The following PCDHA2 variants were observed in gnomAD, a reference collection of about 807,000 sequenced individuals.
PCDHA2 encodes protocadherin alpha-2.
PCDHA2 carries 58 observed loss-of-function variants against 66.0 expected under a neutral mutation model. The ratio of observed to expected loss-of-function variants is 0.88; its 90% CI spans 0.71 to 1.09. The LOEUF is 1.09. Ranked by LOEUF, PCDHA2 falls within the 50% of genes least tolerant of loss-of-function variation. The pLI, the probability that PCDHA2 is intolerant of heterozygous loss-of-function variation, is 0.00. For missense variants in PCDHA2, 1,267 were observed against 1,242.3 expected, an observed-to-expected ratio of 1.02 and a Z score of -0.30; for synonymous variants, 634 against 554.0, an observed-to-expected ratio of 1.14 and a Z score of -2.03.
rs981486874 is a variant in PCDHA2 at position 140,797,285 on chromosome 5, C to G, written c.2321C>G (p.Pro774Arg). Residue 774 changes from proline to arginine, a missense_variant, in exon 1 of 4, where the codon CCT becomes CGT. Transcript: ENST00000526136. ...AAGACGGACCTCATGGCCTTCAGCC[C>G]TAGCTTATCTCAAGGTCCAGACTCC... ...PPKTDLMAFS[P>R]SLSQGPDSAE... The G allele has an allele frequency of 2.5e-6, 4 of 1,614,114 alleles. No homozygotes were observed. The highest frequency in any genetic ancestry group is 3.4e-6 in the Non-Finnish European group (4 of 1,180,056).
intron 1 of PCDHA2, chr5:140,830,314 C>T: frequency 6.2e-7 from 1 of 1,613,988 alleles, no homozygotes; most frequent in South Asian, 1.1e-5. Flanking sequence ...CGCTGGTGTG[C>T]TCCAGCGCAG....
chr5:141,002,173 C>T (rs1442739241), intron 3 of PCDHA2, among the ~76,000 whole-genome samples: 2 of 152,192 alleles, frequency 1.3e-5, no homozygotes, highest in Non-Finnish European at 2.9e-5. Flanking sequence ...TAGGCAGGCT[C>T]CAGAGTGCTG....
intron 1 of PCDHA2, among the ~76,000 whole-genome samples, chr5:140,833,764 A>ACACG (rs2150211178): frequency 1.9e-3 from 286 of 152,036 alleles, no homozygotes; most frequent in African/African-American, 6.7e-3. Flanking sequence ...ACACACACAC[A>ACACG]CACCGCTTTC....
rs550257645 is a variant in PCDHA2 at position 140,858,423 on chromosome 5, A to G, written c.2388+61071A>G. 7.3e-5 allele frequency: 113 copies of G among 1,554,520 alleles called. 7 individuals carry two copies. In the South Asian group the frequency reaches 1.0e-3, roughly 14 times the overall value. On this transcript the variant is annotated intron_variant, in intron 1 of 3. Coordinates refer to ENST00000526136, the MANE Select transcript of PCDHA2 (RefSeq NM_018905.3). ...GGGGAAGATCAGTCTATTGGAGGGG[A>G]CCACTCTAGGAAGGTGGGTTATTAC...
intron 1 of PCDHA2, among the ~76,000 whole-genome samples, chr5:140,924,896 AAAAAAAAAATAAAAT>A (rs1195249436): frequency 5.8e-5 from 4 of 69,076 alleles, no homozygotes; most frequent in Non-Finnish European, 9.1e-5. Flanking sequence ...ACCTGTCTCA[AAAAAAAAAATAAAAT>A]AAAATAAAAT....
At chr5:140,994,355 G>A (rs2097616615) in intron 3 of PCDHA2, among the ~76,000 whole-genome samples, 2 of 152,240 alleles carry the variant, frequency 1.3e-5, no homozygotes, top group South Asian at 4.1e-4. Flanking sequence ...TGGGACCTCA[G>A]AAGATGGAAT....
chr5:140,835,745 G>T (rs781786218), intron 1 of PCDHA2: 2 of 1,613,472 alleles, frequency 1.2e-6, no homozygotes, highest in Non-Finnish European at 1.7e-6. Flanking sequence ...ACGCCCCGGC[G>T]TTCGCGCAGC....
intron 1 of PCDHA2, among the ~76,000 whole-genome samples, chr5:140,925,786 T>C (rs2082719026): frequency 1.3e-5 from 2 of 152,144 alleles, no homozygotes; most frequent in African/African-American, 4.8e-5. Context: ...CTAATGAGTA[T>C]CTCAGTACTT....
chr5:140,991,433 T>G (rs1441155854), intron 3 of PCDHA2, among the ~76,000 whole-genome samples: 1 of 152,194 alleles, frequency 6.6e-6, no homozygotes, highest in Non-Finnish European at 1.5e-5. Context: ...AACCATAAAC[T>G]TCATGGCTTA....
intron 1 of PCDHA2, chr5:140,966,696 G>A (rs2096039255): frequency 7.4e-7 from 1 of 1,358,662 alleles, no homozygotes. Flanking sequence ...GGCGGGGCCC[G>A]GGCGTGGGGC....
chr5:140,859,671 C>T (rs2045960419), intron 1 of PCDHA2: 1 of 153,888 alleles, frequency 6.5e-6, no homozygotes, highest in Non-Finnish European at 1.4e-5. Context: ...CAAATAGCTT[C>T]AAATAAAATT....
At chr5:140,823,866 G>A (rs2150129869) in intron 1 of PCDHA2, 4 of 1,613,776 alleles carry the variant, frequency 2.5e-6, no homozygotes, top group African/African-American at 1.3e-5. Context: ...ATGTCAACGT[G>A]TACCTGATCA....
rs577997860 is a variant in PCDHA2, at chr5:140,803,612, C to A, written c.2388+6260C>A. The A allele has an allele frequency of 4.5e-5, 73 of 1,614,004 alleles. 3 individuals are homozygous for A. Among genetic ancestry groups the A allele is most frequent in the South Asian group, 4.5e-4 (41 of 91,058 alleles). On this transcript the variant is annotated intron_variant, in intron 1 of 3. Transcript: ENST00000526136. ...CCAAAGTGAGTAATTTTTATTTATT[C>A]TTTCCAAAATGTCTTTGTTTTTCAT... is the stretch of plus-strand genomic sequence containing the variant.
rs544594142 is a variant in PCDHA2, at chr5:141,011,456, T to C, written c.*1519T>C. On this transcript the variant is annotated 3_prime_UTR_variant, in exon 4 of 4. Transcript: ENST00000526136. Reference sequence around the variant, plus strand: ...TACCTAGAGTGAACTTTAAGCTTTATTGTTGAATGTAATTCCATTATATTT... The same window carrying C: ...TACCTAGAGTGAACTTTAAGCTTTACTGTTGAATGTAATTCCATTATATTT... The C allele has an allele frequency of 1.3e-5, 2 of 153,928 alleles. No homozygotes were observed. The highest frequency in any genetic ancestry group is 6.8e-3 in the Middle Eastern group (2 of 292). 9.5% of individuals were successfully genotyped at this position (153,928 alleles called of 1,614,324 possible).
intron 1 of PCDHA2, chr5:140,842,364 C>T (rs1777899018): frequency 6.8e-6 from 11 of 1,607,810 alleles, no homozygotes; most frequent in East Asian, 2.2e-5. Flanking sequence ...GATAACGTCC[C>T]TGAGATAGCA....
At position 140,993,462 on chromosome 5, in the gene PCDHA2, T is replaced by TCACACACACA. The variant is rs3836747; in HGVS notation, c.2536+10937_2536+10946dup. On this transcript the variant is annotated intron_variant, in intron 3 of 3. Coordinates refer to ENST00000526136, the MANE Select transcript of PCDHA2 (RefSeq NM_018905.3). Reference sequence around the variant, plus strand: ...CATTCCTGTTCTCCTTCTTTCTTTCTCACACACACACACACACACACACAC... The same window carrying TCACACACACA: ...CATTCCTGTTCTCCTTCTTTCTTTCTCACACACACACACACACACACACACACACACACAC... Among the ~76,000 whole-genome samples, 267 of 141,038 alleles carry TCACACACACA rather than the reference T, an allele frequency of 1.9e-3. 2 individuals are homozygous for TCACACACACA. The highest frequency in any genetic ancestry group is 2.7e-3 in the Non-Finnish European group (175 of 64,694). The allele number at this position is 141,038 out of a possible 152,430, so 92.5% of individuals were successfully genotyped here.
At chr5:140,807,639 G>A in intron 1 of PCDHA2, 1 of 1,614,188 alleles carries the variant, frequency 6.2e-7, no homozygotes, top group Non-Finnish European at 8.5e-7. Flanking sequence ...CTTGACTCTC[G>A]GTTTCCACTA....
Position 140,968,677 on chromosome 5 carries a change from G to A in PCDHA2, c.2389-10272G>A, listed in dbSNP as rs781795184. The A allele has an allele frequency of 5.0e-6, 8 of 1,614,156 alleles. No individual in the cohort carries two copies. In the South Asian group the frequency reaches 8.8e-5, roughly 18 times the overall value. ...ACCTGGACCTCTTTAAGGTAGAGCTGCACACAGGAGAAATTAGGACTACCA... is the reference window on the plus strand; with the variant it reads ...ACCTGGACCTCTTTAAGGTAGAGCTACACACAGGAGAAATTAGGACTACCA... On this transcript the variant is annotated intron_variant, in intron 1 of 3. Coordinates refer to ENST00000526136, the MANE Select transcript of PCDHA2 (RefSeq NM_018905.3).
At chr5:140,836,527 T>C (rs2150262895) in intron 1 of PCDHA2, 29 of 1,613,850 alleles carry the variant, frequency 1.8e-5, no homozygotes, top group Non-Finnish European at 2.5e-5. Context: ...GTGCTTACCC[T>C]GCTGCTGTAC....
Sources: gnomAD v4.1 joint callset for allele counts (sites outside exome capture counted in the v4.1 genomes callset) on GRCh38, gnomAD v4.1.1 for gene constraint, MANE v1.5 for transcripts, NCBI Gene and HGNC (gene_info 2026-07-23, HGNC 2026-07-21) for gene names.